Variants in EXOC4 observed in about 807,000 individuals in gnomAD.
EXOC4 encodes SEC8-like 1.
A neutral mutation model predicts 107.2 loss-of-function variants in EXOC4; 71 were observed. That is an observed-to-expected ratio of 0.66 (90% CI 0.55 to 0.81). EXOC4 has a LOEUF of 0.81. Among genes scored for constraint, EXOC4 ranks in the 30% least tolerant of loss-of-function variants. EXOC4 has a pLI of 0.00. For synonymous variants in EXOC4, 456 were observed against 441.2 expected (o/e 1.03, Z -0.42); for missense variants, 1,108 against 1,189.6 (o/e 0.93, Z 1.01).
intron 4 of EXOC4, among the ~76,000 whole-genome samples, chr7:133,310,066 T>G (rs1794836101): frequency 1.3e-5 from 2 of 152,232 alleles, no homozygotes; most frequent in African/African-American, 4.8e-5. Context: ...AAAGGAATGC[T>G]GAATTCTTGC....
chr7:133,990,411 C>G (rs1585304789), intron 14 of EXOC4, among the ~76,000 whole-genome samples: 1 of 152,072 alleles, frequency 6.6e-6, no homozygotes, highest in East Asian at 1.9e-4. Flanking sequence ...ATATGATGAC[C>G]TTCAGTTCCA....
At chr7:133,804,069 A>T (rs1245994071) in intron 10 of EXOC4, among the ~76,000 whole-genome samples, 1 of 152,198 alleles carries the variant, frequency 6.6e-6, no homozygotes, top group Non-Finnish European at 1.5e-5. Flanking sequence ...AGACTCTAAA[A>T]GGCAATACTG....
chr7:133,986,690 C>T (rs1166023459), intron 14 of EXOC4, among the ~76,000 whole-genome samples: 1 of 152,134 alleles, frequency 6.6e-6, no homozygotes, highest in Non-Finnish European at 1.5e-5. Flanking sequence ...TATTTAGTGC[C>T]TACAGTGTAC....
At chr7:133,963,416 A>C (rs1800991177) in intron 14 of EXOC4, among the ~76,000 whole-genome samples, 1 of 152,224 alleles carries the variant, frequency 6.6e-6, no homozygotes, top group Non-Finnish European at 1.5e-5. Flanking sequence ...ACAGTGCAAC[A>C]CACACATTTT....
rs185813243 is a variant in EXOC4 at position 133,603,949 on chromosome 7, T to C, written c.1418-26096T>C. Among the ~76,000 whole-genome samples, 496 of 152,310 alleles carry C rather than the reference T, an allele frequency of 3.3e-3. 1 individual carries two copies. Among genetic ancestry groups the C allele is most frequent in the Non-Finnish European group, 5.5e-3 (372 of 68,028 alleles). On this transcript the variant is annotated intron_variant, in intron 9 of 17. Coordinates refer to ENST00000253861, the MANE Select transcript of EXOC4 (RefSeq NM_021807.4). ...TTAAAACACAAACACAGTGTACAGCTGTACAAAAATATTTTCATTATATCC... is the reference window on the plus strand; with the variant it reads ...TTAAAACACAAACACAGTGTACAGCCGTACAAAAATATTTTCATTATATCC...
intron 10 of EXOC4, among the ~76,000 whole-genome samples, chr7:133,798,440 TA>T (rs59778617): frequency 0.84 from 127,852 of 151,884 alleles, 54,205 homozygotes; most frequent in East Asian, 0.99. Context: ...TACAAAGAAA[TA>T]AACAAAGGAA....
At chr7:133,957,390 A>G (rs2116820554) in intron 14 of EXOC4, among the ~76,000 whole-genome samples, 1 of 152,350 alleles carries the variant, frequency 6.6e-6, no homozygotes, top group Middle Eastern at 3.4e-3. Flanking sequence ...TAATTAAAAT[A>G]TCTACCATAA....
intron 14 of EXOC4, among the ~76,000 whole-genome samples, chr7:133,965,978 G>C (rs2116855064): frequency 6.6e-6 from 1 of 152,232 alleles, no homozygotes; most frequent in South Asian, 2.1e-4. Context: ...TTTTCCATTT[G>C]TTTGTGTCCT....
At chr7:133,520,806 TTCTC>T (rs1399755429) in intron 9 of EXOC4, among the ~76,000 whole-genome samples, 1 of 152,162 alleles carries the variant, frequency 6.6e-6, no homozygotes, top group Admixed American at 6.5e-5. Flanking sequence ...TTCTTTTCCT[TTCTC>T]TATCGCCTTC....
intron 10 of EXOC4, among the ~76,000 whole-genome samples, chr7:133,752,863 C>G (rs928540677): frequency 1.3e-5 from 2 of 152,180 alleles, no homozygotes; most frequent in African/African-American, 2.4e-5. Flanking sequence ...GCAGGTGTTT[C>G]ACCAGTCTCA....
intron 10 of EXOC4, among the ~76,000 whole-genome samples, chr7:133,759,122 A>C (rs1413987908): frequency 1.3e-5 from 2 of 151,316 alleles, no homozygotes; most frequent in Non-Finnish European, 2.9e-5. Flanking sequence ...AATTTAAAAC[A>C]AACAAACAAA....
intron 17 of EXOC4, among the ~76,000 whole-genome samples, chr7:134,060,655 TGG>T (rs1796035000): frequency 6.6e-6 from 1 of 152,226 alleles, no homozygotes; most frequent in African/African-American, 2.4e-5. Context: ...CTCATTCTAA[TGG>T]TATAGTTTGG....
At chr7:134,038,088 C>T (rs1314407554) in intron 17 of EXOC4, among the ~76,000 whole-genome samples, 6 of 152,204 alleles carry the variant, frequency 3.9e-5, no homozygotes, top group African/African-American at 1.4e-4. Flanking sequence ...CTCAGTAGAA[C>T]AGACATCACA....
intron 10 of EXOC4, among the ~76,000 whole-genome samples, chr7:133,702,506 A>ATT (rs997277293): frequency 6.9e-6 from 1 of 144,446 alleles, no homozygotes; most frequent in Non-Finnish European, 1.5e-5. Context: ...CTTCCAGCCA[A>ATT]TTTTTTTTTT....
chr7:133,307,799 G>A (rs1325166577), intron 4 of EXOC4, among the ~76,000 whole-genome samples: 2 of 152,160 alleles, frequency 1.3e-5, no homozygotes, highest in Non-Finnish European at 2.9e-5. Context: ...TTGCCTTGCT[G>A]GCGGTCCCAG....
intron 17 of EXOC4, among the ~76,000 whole-genome samples, chr7:134,062,586 G>T (rs747792844): frequency 5.9e-5 from 9 of 152,180 alleles, no homozygotes; most frequent in Admixed American, 2.6e-4. Context: ...GCACTGCCTG[G>T]TTCTGTCCCC....
intron 11 of EXOC4, among the ~76,000 whole-genome samples, chr7:133,881,596 G>C (rs920580687): frequency 6.6e-5 from 10 of 152,068 alleles, no homozygotes; most frequent in Admixed American, 2.6e-4. Flanking sequence ...TTCTTATCTT[G>C]CTAGTATCTA....
At chr7:133,606,583 C>T (rs533546175) in intron 9 of EXOC4, among the ~76,000 whole-genome samples, 66 of 150,080 alleles carry the variant, frequency 4.4e-4, no homozygotes, top group Non-Finnish European at 7.8e-4. Flanking sequence ...GGTGCATTCT[C>T]GGCTCACTGA....
At chr7:133,643,578 T>C (rs1299961303) in intron 10 of EXOC4, among the ~76,000 whole-genome samples, 1 of 152,078 alleles carries the variant, frequency 6.6e-6, no homozygotes, top group Non-Finnish European at 1.5e-5. Flanking sequence ...ATACATAATC[T>C]TAAAATAAAG....
Sources: gnomAD v4.1 joint callset for allele counts (sites outside exome capture counted in the v4.1 genomes callset) on GRCh38, gnomAD v4.1.1 for gene constraint, MANE v1.5 for transcripts, NCBI Gene and HGNC (gene_info 2026-07-23, HGNC 2026-07-21) for gene names.